TES: variants seen among roughly 807,000 people sequenced by gnomAD.
TES encodes the protein testin LIM domain protein, also known as testin.
A neutral mutation model predicts 48.2 loss-of-function variants in TES; 41 were observed. That is an observed-to-expected ratio of 0.85 (90% CI 0.66 to 1.10). The LOEUF is 1.10. Ranked by LOEUF, TES falls within the 50% of genes least tolerant of loss-of-function variation. The probability of loss-of-function intolerance (pLI) is 0.00; values close to 1 mark genes in which losing one functional copy is unlikely to be tolerated. For missense variants in TES, 463 were observed against 515.1 expected, an observed-to-expected ratio of 0.90 and a Z score of 0.98; for synonymous variants, 162 against 174.9, an observed-to-expected ratio of 0.93 and a Z score of 0.58.
chr7:116,251,175 T>A (rs1800001152), intron 4 of TES, among the ~76,000 whole-genome samples: 1 of 152,196 alleles, frequency 6.6e-6, no homozygotes, highest in Non-Finnish European at 1.5e-5. Flanking sequence ...AAAATTACTA[T>A]TTTCCTTTTT....
At chr7:116,226,944 G>C (rs183864076) in intron 1 of TES, among the ~76,000 whole-genome samples, 2 of 152,148 alleles carry the variant, frequency 1.3e-5, no homozygotes, top group Non-Finnish European at 2.9e-5. Flanking sequence ...AAAGAGAAAT[G>C]TAGCAGATTT....
chr7:116,249,087 C>G lies in TES; in HGVS notation c.181C>G (p.Arg61Gly). 6.2e-7 allele frequency: 1 copy of G among 1,613,934 alleles called. No homozygotes were observed. The highest frequency in any genetic ancestry group is 8.5e-7 in the Non-Finnish European group (1 of 1,179,918). Residue 61 changes from arginine to glycine, a missense_variant, in exon 3 of 7, where the codon CGA becomes GGA. Physicochemically the swap from Arg to Gly is moderately radical, Grantham distance 125 (BLOSUM62 -2). Transcript: ENST00000358204. The part of the protein sequence containing the change: ...HDVLLSNEED[R>G]KVGKLFEDTK... ...TGTCCTCTTGAGCAATGAAGAGGAT[C>G]GAAAAGTGGGAAAACTTTTTGAAGA...
At chr7:116,241,743 T>C (rs535606529) in intron 2 of TES, among the ~76,000 whole-genome samples, 2 of 152,210 alleles carry the variant, frequency 1.3e-5, no homozygotes, top group Non-Finnish European at 2.9e-5. Context: ...TAACCTGATT[T>C]TACTCACTTA....
chr7:116,228,018 T>G (rs974558798), intron 1 of TES, among the ~76,000 whole-genome samples: 13 of 140,348 alleles, frequency 9.3e-5, no homozygotes, highest in African/African-American at 1.7e-4. Context: ...GTTTTTTTTT[T>G]TTTGTTTTTT....
At chr7:116,233,305 T>C (rs1027129251) in intron 1 of TES, among the ~76,000 whole-genome samples, 1 of 152,186 alleles carries the variant, frequency 6.6e-6, no homozygotes. Flanking sequence ...CAACCTTGTG[T>C]CCTTCTGCCA....
chr7:116,246,656 C>T (rs1799926663), intron 2 of TES, among the ~76,000 whole-genome samples: 1 of 152,182 alleles, frequency 6.6e-6, no homozygotes, highest in South Asian at 2.1e-4. Flanking sequence ...GAAGGTATTC[C>T]TCTTTATACC....
At chr7:116,256,621 A>G (rs954328441) in intron 6 of TES, among the ~76,000 whole-genome samples, 1 of 152,210 alleles carries the variant, frequency 6.6e-6, no homozygotes, top group African/African-American at 2.4e-5. Context: ...GTGTATGTAT[A>G]TACATGTTTG....
chr7:116,222,671 T>A (rs1489471303), intron 1 of TES: 1 of 152,192 alleles, frequency 6.6e-6, no homozygotes, highest in Admixed American at 6.5e-5. Context: ...CTCTGTGGGA[T>A]CCACCCTTTA....
At chr7:116,228,998 C>CTATATATA (rs58514364) in intron 1 of TES, among the ~76,000 whole-genome samples, 56 of 110,122 alleles carry the variant, frequency 5.1e-4, no homozygotes, top group East Asian at 2.9e-3. Flanking sequence ...GTATCTATAA[C>CTATATATA]TATATATATA....
chr7:116,224,232 A>G (rs1400504446), intron 1 of TES, among the ~76,000 whole-genome samples: 3 of 152,216 alleles, frequency 2.0e-5, no homozygotes, highest in African/African-American at 7.2e-5. Flanking sequence ...AAACCTGCCC[A>G]TCTACCTAAG....
At chr7:116,246,367 A>G (rs1463776086) in intron 2 of TES, among the ~76,000 whole-genome samples, 4 of 152,224 alleles carry the variant, frequency 2.6e-5, no homozygotes, top group African/African-American at 9.6e-5. Context: ...ATTGCCAGTT[A>G]TGTTTCACCC....
intron 1 of TES, among the ~76,000 whole-genome samples, chr7:116,223,968 G>T (rs1358931735): frequency 1.3e-5 from 2 of 152,220 alleles, no homozygotes; most frequent in Middle Eastern, 3.2e-3. Context: ...GCCATTGAAT[G>T]CAGGCTAGCC....
intron 1 of TES, among the ~76,000 whole-genome samples, chr7:116,227,739 T>C (rs1799642089): frequency 6.6e-6 from 1 of 152,114 alleles, no homozygotes. Context: ...TAAACATGCA[T>C]GCACACACAC....
Position 116,250,154 on chromosome 7 carries a change from G to T in TES, c.367-7G>T. 6.7e-7 allele frequency: 1 copy of T among 1,503,140 alleles called. No homozygotes were observed. Among genetic ancestry groups the T allele is most frequent in the South Asian group, 1.4e-5 (1 of 71,732 alleles). The allele number at this position is 1,503,140 out of a possible 1,614,324, so 93.1% of individuals were successfully genotyped here. A position where few individuals can be genotyped will look rare whatever the true frequency, so the allele number is the denominator to read the frequency against. On this transcript the variant is annotated splice_polypyrimidine_tract_variant and splice_region_variant and intron_variant, in intron 3 of 6. Coordinates refer to ENST00000358204, the MANE Select transcript of TES (RefSeq NM_015641.4). ...TCCCAGTTAACATTGGCCTCCTTGT[G>T]GTTCAGGCCAGGCAGTACATGCAGA...
At chr7:116,232,561 T>G (rs1444211319) in intron 1 of TES, among the ~76,000 whole-genome samples, 1 of 152,154 alleles carries the variant, frequency 6.6e-6, no homozygotes, top group Admixed American at 6.6e-5. Flanking sequence ...AAGAAAACTT[T>G]TTTGGATTTG....
chr7:116,226,246 A>G (rs1316862293), intron 1 of TES, among the ~76,000 whole-genome samples: 1 of 152,254 alleles, frequency 6.6e-6, no homozygotes, highest in African/African-American at 2.4e-5. Flanking sequence ...GAGTTCAAAT[A>G]TGAACAAGAA....
chr7:116,212,563 G>A (rs999040236), intron 1 of TES, among the ~76,000 whole-genome samples: 1 of 152,116 alleles, frequency 6.6e-6, no homozygotes, highest in Admixed American at 6.5e-5. Flanking sequence ...GCTAAAAAAT[G>A]CTTTAAAAAT....
intron 2 of TES, among the ~76,000 whole-genome samples, chr7:116,243,186 T>A (rs888794100): frequency 2.6e-5 from 4 of 152,218 alleles, no homozygotes; most frequent in African/African-American, 9.6e-5. Context: ...TTTAGTTATC[T>A]AGTTACTTCA....
In TES at chr7:116,250,512, A is replaced by C; in HGVS notation, c.702+16A>C. On this transcript the variant is annotated intron_variant, in intron 4 of 6. Coordinates refer to ENST00000358204, the MANE Select transcript of TES (RefSeq NM_015641.4). ...AACTCAATATGTAAGTAGAGTGGTCACACTGTTAGCCTGATTTGTATACTT... is the reference window on the plus strand; with the variant it reads ...AACTCAATATGTAAGTAGAGTGGTCCCACTGTTAGCCTGATTTGTATACTT... 1 of 1,498,304 alleles carries C rather than the reference A, an allele frequency of 6.7e-7. No individual in the cohort carries two copies. The highest frequency in any genetic ancestry group is 8.9e-7 in the Non-Finnish European group (1 of 1,124,644). 92.8% of individuals were successfully genotyped at this position (1,498,304 alleles called of 1,614,324 possible).
Sources: allele counts gnomAD v4.1 joint callset (sites outside exome capture counted in the v4.1 genomes callset), GRCh38; gene constraint gnomAD v4.1.1; transcripts MANE v1.5; gene names NCBI Gene and HGNC (gene_info 2026-07-23, HGNC 2026-07-21).